Variants in PCDHA4 observed in about 807,000 individuals in gnomAD.
PCDHA4 encodes the protein protocadherin alpha 4.
PCDHA4 carries 49 observed loss-of-function variants against 61.4 expected under a neutral mutation model. The observed-to-expected ratio is 0.80, with a 90% CI of 0.63 to 1.01. PCDHA4 has a LOEUF of 1.01. Ranked by LOEUF, PCDHA4 falls within the 50% of genes least tolerant of loss-of-function variation. PCDHA4 has a pLI of 0.00. For synonymous variants in PCDHA4, 590 were observed against 550.3 expected (o/e 1.07, Z -1.01); for missense variants, 1,254 against 1,235.8 (o/e 1.01, Z -0.22).
At chr5:140,894,569 CT>C (rs556288790) in intron 1 of PCDHA4, among the ~76,000 whole-genome samples, 1 of 151,328 alleles carries the variant, frequency 6.6e-6, no homozygotes, top group Non-Finnish European at 1.5e-5. Flanking sequence ...AATTATTTTC[CT>C]TTTTTTTAAT....
intron 1 of PCDHA4, chr5:140,856,279 T>A (rs1554148476): frequency 1.3e-6 from 2 of 1,598,260 alleles, no homozygotes; most frequent in East Asian, 2.2e-5. Flanking sequence ...TGGAGGTAAA[T>A]CTGCAGAATG....
intron 1 of PCDHA4, chr5:140,842,218 G>C (rs1554138887): frequency 2.5e-6 from 4 of 1,613,154 alleles, no homozygotes; most frequent in Admixed American, 1.7e-5. Context: ...ATCGAAATAC[G>C]GGAGAAATAG....
At chr5:140,908,704 C>T (rs1241248582) in intron 1 of PCDHA4, among the ~76,000 whole-genome samples, 12 of 152,178 alleles carry the variant, frequency 7.9e-5, no homozygotes, top group African/African-American at 2.9e-4. Context: ...CCTCAAGCAC[C>T]ATTGGATCTG....
At chr5:140,875,536 G>A (rs2055577552) in intron 1 of PCDHA4, 2 of 1,614,130 alleles carry the variant, frequency 1.2e-6, no homozygotes, top group Non-Finnish European at 1.7e-6. Flanking sequence ...TCTGCTCCTT[G>A]CAGCCTGGGA....
rs1554177749 is a variant in PCDHA4 at position 140,883,345 on chromosome 5, C to T, written c.2385+73773C>T. The T allele has an allele frequency of 1.9e-6, 3 of 1,614,050 alleles. No homozygotes were observed. In the African/African-American group the frequency reaches 4.0e-5, roughly 22 times the overall value. On this transcript the variant is annotated intron_variant, in intron 1 of 3. Transcript: ENST00000530339. ...CCATCACTTCTTTGTCACTCCCCAT[C>T]AGAGAAGACACTCAGCCTAGCGCCA...
chr5:140,882,891 A>C, intron 1 of PCDHA4: 1 of 1,614,230 alleles, frequency 6.2e-7, no homozygotes, highest in East Asian at 2.2e-5. Flanking sequence ...ATTCAGGAAC[A>C]TAGTTTATTA....
intron 3 of PCDHA4, among the ~76,000 whole-genome samples, chr5:140,996,006 C>G (rs962825775): frequency 6.6e-6 from 1 of 152,204 alleles, no homozygotes; most frequent in Non-Finnish European, 1.5e-5. Context: ...GTCGTCAGAA[C>G]TATTACTACT....
intron 3 of PCDHA4, among the ~76,000 whole-genome samples, chr5:141,006,404 G>T (rs1001810745): frequency 6.6e-6 from 1 of 151,938 alleles, no homozygotes; most frequent in Admixed American, 6.6e-5. Flanking sequence ...TAGTAGAGAC[G>T]CGGTTTCACT....
At chr5:140,841,916 T>A (rs1554138648) in intron 1 of PCDHA4, 11 of 1,613,792 alleles carry the variant, frequency 6.8e-6, no homozygotes, top group Non-Finnish European at 9.3e-6. Flanking sequence ...ATTAAGAAAA[T>A]CCTTGGACAG....
At chr5:140,870,657 G>T (rs782619046) in intron 1 of PCDHA4, 1 of 1,612,514 alleles carries the variant, frequency 6.2e-7, no homozygotes, top group Non-Finnish European at 8.5e-7. Context: ...AGGTGTACGC[G>T]CTGCAGCCGT....
intron 1 of PCDHA4, among the ~76,000 whole-genome samples, chr5:140,879,850 T>C (rs935829286): frequency 3.3e-5 from 5 of 152,230 alleles, no homozygotes; most frequent in Non-Finnish European, 5.9e-5. Flanking sequence ...CACTCCCATC[T>C]CAGCCTTCTC....
Position 140,966,719 on chromosome 5 carries a change from G to A in PCDHA4, c.2386-12230G>A, listed in dbSNP as rs373995406. On this transcript the variant is annotated intron_variant, in intron 1 of 3. Coordinates refer to ENST00000530339, the MANE Select transcript of PCDHA4 (RefSeq NM_018907.4). ...CCGGGCGTGGGGCACGGCTGGGGAA[G>A]CTGCCGCCTCCGGCCCTGCCCGGCT... 7.2e-6 allele frequency: 10 copies of A among 1,395,512 alleles called. No individual in the cohort carries two copies. The East Asian group carries it at 1.1e-4, about 16-fold the overall frequency. 86.4% of individuals were successfully genotyped at this position (1,395,512 alleles called of 1,614,324 possible).
At chr5:140,867,282 C>T (rs921833641) in intron 1 of PCDHA4, 6 of 152,010 alleles carry the variant, frequency 3.9e-5, no homozygotes, top group African/African-American at 7.2e-5. Flanking sequence ...ACCTGATGTG[C>T]TTCAAATATC....
intron 1 of PCDHA4, chr5:140,842,783 G>C (rs2150344113): frequency 1.3e-6 from 2 of 1,594,544 alleles, no homozygotes; most frequent in Non-Finnish European, 1.7e-6. Context: ...GCAGGAGAAC[G>C]CGCTGGTGTC....
At chr5:140,828,741 G>C (rs201515728) in intron 1 of PCDHA4, 1 of 1,614,220 alleles carries the variant, frequency 6.2e-7, no homozygotes. Flanking sequence ...GCCACAGATG[G>C]GGGCAAACCT....
Position 140,848,909 on chromosome 5 carries a change from G to T in PCDHA4, c.2385+39337G>T, listed in dbSNP as rs2150424301. 6.2e-5 allele frequency: 99 copies of T among 1,608,232 alleles called. No individual in the cohort carries two copies. The African/African-American group carries it at 1.2e-3, about 19-fold the overall frequency. ...CTCCAGTGTTCCCAGCGACACAAAA[G>T]AATCTGTTCATCGCGGAATCCAGGC... On this transcript the variant is annotated intron_variant, in intron 1 of 3. Transcript: ENST00000530339.
intron 1 of PCDHA4, chr5:140,852,618 T>C: frequency 1.1e-6 from 1 of 941,450 alleles, no homozygotes; most frequent in Non-Finnish European, 1.3e-6. Flanking sequence ...AAAACTTGAG[T>C]GGTCTCTGAG....
Position 140,842,669 on chromosome 5 carries a change from G to A in PCDHA4, c.2385+33097G>A, listed in dbSNP as rs1554139258. 2.5e-6 allele frequency: 4 copies of A among 1,595,384 alleles called. No homozygotes were observed. The highest frequency in any genetic ancestry group is 3.4e-5 in the Admixed American group (2 of 59,244). ...GTCTGTGGAGGTGGCCGACGTGAAC[G>A]ACAATGCTCCGGCGTTCGCGCAGCC... On this transcript the variant is annotated intron_variant, in intron 1 of 3. Transcript: ENST00000530339.
At chr5:140,938,535 T>C (rs1213072173) in intron 1 of PCDHA4, among the ~76,000 whole-genome samples, 2 of 140,516 alleles carry the variant, frequency 1.4e-5, no homozygotes, top group African/African-American at 2.6e-5. Flanking sequence ...ATGGATAATA[T>C]GGATTTTTAT....
Sources: allele counts gnomAD v4.1 joint callset (sites outside exome capture counted in the v4.1 genomes callset), GRCh38; gene constraint gnomAD v4.1.1; transcripts MANE v1.5; gene names NCBI Gene and HGNC (gene_info 2026-07-23, HGNC 2026-07-21).